The following MRPL39 variants were observed in gnomAD, a reference collection of about 807,000 sequenced individuals.
MRPL39 encodes mitochondrial ribosomal protein L39.
In MRPL39, 35 loss-of-function variants were observed where a neutral mutation model predicts 44.5. The ratio of observed to expected loss-of-function variants is 0.79; its 90% CI spans 0.60 to 1.04. The LOEUF is 1.04. Among genes scored for constraint, MRPL39 ranks in the 50% least tolerant of loss-of-function variants. The pLI is 0.00. For synonymous variants in MRPL39, 139 were observed against 136.1 expected (o/e 1.02, Z -0.15); for missense variants, 433 against 413.5 (o/e 1.05, Z -0.41).
At chr21:25,604,006 T>A in intron 2 of MRPL39, 71 bp from the exon 3 acceptor site, 3 of 1,419,050 alleles carry the variant, frequency 2.1e-6, no homozygotes, top group Non-Finnish European at 2.9e-6. Context: ...AGTGCTATAT[T>A]TAGAAATATA....
At chr21:25,596,555 T>A (rs1024872398) in intron 6 of MRPL39, among the ~76,000 whole-genome samples, 3 of 140,248 alleles carry the variant, frequency 2.1e-5, no homozygotes, top group African/African-American at 7.9e-5. Context: ...CATAACCCAA[T>A]ATATTTACGA....
At position 25,606,647 on chromosome 21, in the gene MRPL39, CTATAAATCCTGTGGAGAAGTT is replaced by C; in HGVS notation, c.74-13_81del. ...GACAGCTGAGAAGCTGACGATGTTG[CTATAAATCCTGTGGAGAAGTT>C]ACAATAAATATGAAGACTGAAAAAA... On this transcript the variant is annotated splice_acceptor_variant and splice_polypyrimidine_tract_variant and coding_sequence_variant and intron_variant, in exon 2 of 10. Transcript: ENST00000352957. LOFTEE classifies it high-confidence loss of function. 1 of 1,609,690 alleles carries C rather than the reference CTATAAATCCTGTGGAGAAGTT, an allele frequency of 6.2e-7. No individual in the cohort carries two copies. The highest frequency in any genetic ancestry group is 8.5e-7 in the Non-Finnish European group (1 of 1,176,554).
intron 6 of MRPL39, among the ~76,000 whole-genome samples, chr21:25,595,646 G>A (rs566990888): frequency 1.3e-5 from 2 of 152,252 alleles, no homozygotes; most frequent in South Asian, 4.1e-4. Flanking sequence ...AGGTTCTGAA[G>A]ATTTAGTGAA....
intron 9 of MRPL39, chr21:25,587,789 T>A: frequency 6.2e-7 from 1 of 1,601,676 alleles, no homozygotes; most frequent in Non-Finnish European, 8.6e-7. Context: ...GGAAATGGAG[T>A]CTAGAAAGAA....
intron 7 of MRPL39, 106 bp from the exon 8 acceptor site, chr21:25,593,071 G>C (rs950847518): frequency 1.0e-6 from 1 of 990,408 alleles, no homozygotes; most frequent in Non-Finnish European, 1.5e-6. Context: ...CCCTAATCAA[G>C]AACATTATAT....
intron 8 of MRPL39, among the ~76,000 whole-genome samples, chr21:25,590,441 G>A (rs1245167558): frequency 6.6e-6 from 1 of 151,838 alleles, no homozygotes; most frequent in East Asian, 1.9e-4. Flanking sequence ...TTACAAATTT[G>A]TGTCTCATTC....
intron 8 of MRPL39, 60 bp downstream of exon 8, chr21:25,592,752 C>G: frequency 7.8e-7 from 1 of 1,280,786 alleles, no homozygotes; most frequent in Non-Finnish European, 1.1e-6. Flanking sequence ...GGTATAAAAT[C>G]AAGTCCGGAA....
chr21:25,598,856 G>GAAA (rs57011739), intron 5 of MRPL39, among the ~76,000 whole-genome samples: 6 of 136,636 alleles, frequency 4.4e-5, no homozygotes, highest in South Asian at 2.3e-4. Context: ...TTACTAAGGG[G>GAAA]AAAAAAAAAA....
chr21:25,596,105 T>A (rs1254891194), intron 6 of MRPL39, among the ~76,000 whole-genome samples: 1 of 152,150 alleles, frequency 6.6e-6, no homozygotes, highest in African/African-American at 2.4e-5. Flanking sequence ...TAAAAATTTT[T>A]TTTTTTTTTT....
chr21:25,594,572 A>G (rs889892449), intron 6 of MRPL39, among the ~76,000 whole-genome samples: 4 of 152,020 alleles, frequency 2.6e-5, no homozygotes, highest in Admixed American at 1.3e-4. Flanking sequence ...CATGGGTATC[A>G]GTGGCATTCC....
intron 2 of MRPL39, 33 bp from the exon 3 acceptor site, chr21:25,603,968 A>C (rs780146633): frequency 6.3e-7 from 1 of 1,583,002 alleles, no homozygotes; most frequent in Non-Finnish European, 8.6e-7. Context: ...TTATCTAACA[A>C]AATCCAGAGT....
chr21:25,594,591 T>C (rs1397625736), intron 6 of MRPL39, among the ~76,000 whole-genome samples: 1 of 152,100 alleles, frequency 6.6e-6, no homozygotes, highest in Admixed American at 6.6e-5. Flanking sequence ...CCTTACTGCT[T>C]GTTATTTTAC....
intron 9 of MRPL39, 98 bp from the exon 10 acceptor site, chr21:25,585,852 C>T: frequency 1.3e-6 from 1 of 789,990 alleles, no homozygotes; most frequent in East Asian, 2.7e-5. Context: ...TTATAATGAC[C>T]CTTTATCTTT....
chr21:25,592,759 G>A (rs2248298), intron 8 of MRPL39, 53 bp downstream of exon 8: 30,998 of 1,359,552 alleles, frequency 0.023, 2,572 homozygotes, highest in African/African-American at 0.21. Context: ...AATCAAGTCC[G>A]GAATTATATC....
upstream of MRPL39, chr21:25,607,557 G>A: frequency 1.4e-6 from 2 of 1,445,234 alleles, no homozygotes; most frequent in Non-Finnish European, 1.9e-6. Context: ...AGTTCCGCAG[G>A]ACAGGTCTGT....
chr21:25,586,571 A>G (rs558175559), intron 9 of MRPL39, among the ~76,000 whole-genome samples: 1 of 152,310 alleles, frequency 6.6e-6, no homozygotes, highest in South Asian at 2.1e-4. Flanking sequence ...GGAGGAGGAA[A>G]GTCAGGAATG....
intron 1 of MRPL39, among the ~76,000 whole-genome samples, 160 bp from the exon 2 acceptor site, chr21:25,606,815 C>G (rs1238291269): frequency 6.6e-6 from 1 of 152,186 alleles, no homozygotes; most frequent in East Asian, 1.9e-4. Context: ...AAATTTGGCT[C>G]TTTCACATCA....
At chr21:25,591,079 C>CAAAAAAAAAA (rs55796940) in intron 8 of MRPL39, among the ~76,000 whole-genome samples, 1 of 129,152 alleles carries the variant, frequency 7.7e-6, no homozygotes, top group African/African-American at 3.0e-5. Flanking sequence ...CTATAGCCCA[C>CAAAAAAAAAA]AAAAAAAAAA....
intron 8 of MRPL39, among the ~76,000 whole-genome samples, chr21:25,590,257 G>A (rs977156749): frequency 1.3e-5 from 2 of 151,918 alleles, no homozygotes; most frequent in Admixed American, 6.6e-5. Context: ...AGAGAATCAA[G>A]GATTACCTTA....
Sources: gnomAD v4.1 joint callset for allele counts (sites outside exome capture counted in the v4.1 genomes callset) on GRCh38, gnomAD v4.1.1 for gene constraint, MANE v1.5 for transcripts, NCBI Gene and HGNC (gene_info 2026-07-23, HGNC 2026-07-21) for gene names.